DGLUCY: variants seen among roughly 807,000 people sequenced by gnomAD.
The protein encoded by DGLUCY is D-glutamate cyclase, also known as D-glutamate cyclase, mitochondrial.
Under a neutral mutation model 58.5 loss-of-function variants are expected in DGLUCY, and 58 were observed. The observed-to-expected ratio is 0.99, with a 90% CI of 0.80 to 1.23. DGLUCY has a LOEUF of 1.23. Ranked by LOEUF, DGLUCY falls within the 50% of genes most tolerant of loss-of-function variation. DGLUCY has a pLI of 0.00. For missense variants in DGLUCY, 779 were observed against 784.7 expected (o/e 0.99, Z 0.09); for synonymous variants, 325 against 314.1 (o/e 1.03, Z -0.37).
chr14:91,185,931 T>C (rs2049489107), intron 8 of DGLUCY, among the ~76,000 whole-genome samples: 1 of 152,150 alleles, frequency 6.6e-6, no homozygotes, highest in Non-Finnish European at 1.5e-5. Flanking sequence ...ACAGATGCTT[T>C]TGATCCCCAC....
chr14:91,220,460 T>A, intron 13 of DGLUCY: 1 of 456,170 alleles, frequency 2.2e-6, no homozygotes, highest in South Asian at 1.5e-5. Flanking sequence ...GGGGCAGGTG[T>A]CAGGGTGTCC....
intron 13 of DGLUCY, among the ~76,000 whole-genome samples, chr14:91,221,595 C>CATGCATGGATGGATGG (rs1887518575): frequency 6.6e-6 from 1 of 150,634 alleles, no homozygotes; most frequent in Non-Finnish European, 1.5e-5. Flanking sequence ...TAGATGGATG[C>CATGCATGGATGGATGG]ATGCATGGAT....
At chr14:91,093,288 A>T (rs978994337) in intron 1 of DGLUCY, among the ~76,000 whole-genome samples, 3 of 152,120 alleles carry the variant, frequency 2.0e-5, no homozygotes, top group Non-Finnish European at 2.9e-5. Context: ...ACAGGATGTG[A>T]TGAAGTATCA....
chr14:91,202,638 G>T (rs2050642492), intron 11 of DGLUCY, among the ~76,000 whole-genome samples: 2 of 152,118 alleles, frequency 1.3e-5, no homozygotes, highest in Non-Finnish European at 1.5e-5. Flanking sequence ...CTCAGCCTGT[G>T]GGGGAGGGGT....
chr14:91,216,773 G>A (rs888798784), intron 13 of DGLUCY, among the ~76,000 whole-genome samples: 4 of 152,134 alleles, frequency 2.6e-5, no homozygotes, highest in African/African-American at 7.2e-5. Context: ...GAGCTCCTCC[G>A]ACTGCAGACC....
chr14:91,157,551 C>T (rs1335594926), intron 1 of DGLUCY, 88 bp from the exon 2 acceptor site: 2 of 152,038 alleles, frequency 1.3e-5, no homozygotes, highest in African/African-American at 4.8e-5. Context: ...TGTGGGTCAC[C>T]ATATATGGTG....
intron 1 of DGLUCY, among the ~76,000 whole-genome samples, chr14:91,064,485 T>C (rs1820912774): frequency 6.6e-6 from 1 of 151,556 alleles, no homozygotes; most frequent in Non-Finnish European, 1.5e-5. Flanking sequence ...TAGCTGGGCA[T>C]GGTGGTGCAT....
intron 1 of DGLUCY, among the ~76,000 whole-genome samples, chr14:91,070,141 A>G (rs760880284): frequency 1.3e-5 from 2 of 152,180 alleles, no homozygotes; most frequent in African/African-American, 2.4e-5. Context: ...TCCTTTGAAG[A>G]ACCAGTATGA....
chr14:91,125,313 G>T (rs1239734319), intron 1 of DGLUCY, among the ~76,000 whole-genome samples: 1 of 152,238 alleles, frequency 6.6e-6, no homozygotes, highest in Non-Finnish European at 1.5e-5. Flanking sequence ...CGTACTTGCT[G>T]CAGACTCTGC....
intron 1 of DGLUCY, among the ~76,000 whole-genome samples, chr14:91,149,940 G>T (rs2047218759): frequency 6.6e-6 from 1 of 152,176 alleles, no homozygotes; most frequent in Admixed American, 6.5e-5. Context: ...TTATGTTTGG[G>T]CTGGGTGCGG....
intron 1 of DGLUCY, among the ~76,000 whole-genome samples, chr14:91,061,895 G>A (rs923722338): frequency 1.2e-4 from 18 of 152,172 alleles, no homozygotes; most frequent in African/African-American, 3.9e-4. Flanking sequence ...AGAACTAAAG[G>A]GAACCTGATT....
intron 13 of DGLUCY, among the ~76,000 whole-genome samples, chr14:91,217,452 C>T (rs1464245237): frequency 6.6e-6 from 1 of 150,948 alleles, no homozygotes; most frequent in African/African-American, 2.4e-5. Flanking sequence ...ACGTCTGCAA[C>T]CAGACGTCCG....
chr14:91,135,071 A>G (rs1300188282), intron 1 of DGLUCY, among the ~76,000 whole-genome samples: 1 of 151,738 alleles, frequency 6.6e-6, no homozygotes, highest in African/African-American at 2.4e-5. Flanking sequence ...CTACAGCCGC[A>G]CACCACCATG....
intron 1 of DGLUCY, among the ~76,000 whole-genome samples, chr14:91,100,414 GGT>G (rs2140081887): frequency 6.6e-6 from 1 of 152,270 alleles, no homozygotes; most frequent in Admixed American, 6.5e-5. Context: ...GAGTTGTGGA[GGT>G]GTGTTAAAAT....
chr14:91,189,978 CTTTTTTTTTTT>C (rs55652724), intron 9 of DGLUCY, among the ~76,000 whole-genome samples: 2 of 81,024 alleles, frequency 2.5e-5, no homozygotes, highest in East Asian at 4.5e-4. Context: ...CTGTTAGGTT[CTTTTTTTTTTT>C]TTTTTTTTTT....
At chr14:91,180,223 G>A (rs1034287813) in intron 7 of DGLUCY, among the ~76,000 whole-genome samples, 3 of 151,626 alleles carry the variant, frequency 2.0e-5, no homozygotes, top group Non-Finnish European at 2.9e-5. Flanking sequence ...TTCCAGTTTC[G>A]TTCTGACAAT....
chr14:91,163,947 G>A (rs1239136011), intron 3 of DGLUCY, among the ~76,000 whole-genome samples: 2 of 151,988 alleles, frequency 1.3e-5, no homozygotes, highest in African/African-American at 2.4e-5. Flanking sequence ...CTCCAATAGA[G>A]CATAATAATT....
In DGLUCY at chr14:91,077,265, A is replaced by AAG. The variant is rs148848700; in HGVS notation, c.-82+16579_-82+16580dup. On this transcript the variant is annotated intron_variant, in intron 1 of 4. Transcript: ENST00000521334. Reference sequence around the variant, plus strand: ...CAAGCAAAGAGTGGGGAGAGAGAGAAAGAGAGAGAGAGAGAGAGAAACAAA... The same window carrying AAG: ...CAAGCAAAGAGTGGGGAGAGAGAGAAAGAGAGAGAGAGAGAGAGAGAAACAAA... Among the ~76,000 whole-genome samples the AAG allele has an allele frequency of 8.1e-3, 1,196 of 147,452 alleles. 14 individuals carry two copies. The highest frequency in any genetic ancestry group is 0.028 in the Middle Eastern group (8 of 284).
At chr14:91,068,075 GCA>G (rs778305281) in intron 1 of DGLUCY, among the ~76,000 whole-genome samples, 1 of 45,996 alleles carries the variant, frequency 2.2e-5, no homozygotes, top group African/African-American at 8.6e-5. Context: ...ACACACACGC[GCA>G]CGCACACACA....
Sources: gnomAD v4.1 joint callset for allele counts (sites outside exome capture counted in the v4.1 genomes callset) on GRCh38, gnomAD v4.1.1 for gene constraint, MANE v1.5 for transcripts, NCBI Gene and HGNC (gene_info 2026-07-23, HGNC 2026-07-21) for gene names.